ANXA10: variants seen among roughly 807,000 people sequenced by gnomAD.
ANXA10 encodes the protein annexin 14.
A neutral mutation model predicts 53.5 loss-of-function variants in ANXA10; 49 were observed. The observed-to-expected ratio is 0.92, with a 90% confidence interval of 0.73 to 1.16. The LOEUF (loss-of-function observed/expected upper bound fraction) is 1.16, where lower values mean the gene tolerates loss of function less well. Among genes scored for constraint, ANXA10 ranks in the 50% most tolerant of loss-of-function variants. The probability of loss-of-function intolerance (pLI) is 0.00; values close to 1 mark genes in which losing one functional copy is unlikely to be tolerated. For synonymous variants in ANXA10, 131 were observed against 128.9 expected, an observed-to-expected ratio of 1.02 and a Z score of -0.11; for missense variants, 393 against 394.4, an observed-to-expected ratio of 1.00 and a Z score of 0.03.
intron 3 of ANXA10, among the ~76,000 whole-genome samples, chr4:168,150,638 G>A (rs1033461379): frequency 2.0e-5 from 3 of 152,154 alleles, no homozygotes; most frequent in Non-Finnish European, 4.4e-5. Flanking sequence ...GAATATTTAT[G>A]AAAGGAGAAA....
chr4:168,158,667 T>C (rs931125504), intron 3 of ANXA10, among the ~76,000 whole-genome samples: 4 of 152,212 alleles, frequency 2.6e-5, no homozygotes, highest in African/African-American at 2.4e-5. Context: ...TTCACTGGTA[T>C]CCTCTTCCCT....
intron 2 of ANXA10, among the ~76,000 whole-genome samples, chr4:168,130,934 C>CA (rs1265098923): frequency 1.9e-4 from 29 of 151,194 alleles, no homozygotes; most frequent in Middle Eastern, 6.8e-3. Context: ...ATGTTTCCCC[C>CA]AAAAAAAACC....
chr4:168,129,860 A>G (rs1731130759), intron 2 of ANXA10, among the ~76,000 whole-genome samples: 1 of 152,158 alleles, frequency 6.6e-6, no homozygotes, highest in Non-Finnish European at 1.5e-5. Context: ...CCACTTGAAG[A>G]TACTTTCCTG....
At chr4:168,154,845 T>G (rs946916130) in intron 3 of ANXA10, among the ~76,000 whole-genome samples, 2 of 152,092 alleles carry the variant, frequency 1.3e-5, no homozygotes, top group African/African-American at 4.8e-5. Context: ...TGTAATAAAT[T>G]ATTACAGTTA....
chr4:168,094,649 C>T (rs1271953927), intron 1 of ANXA10, among the ~76,000 whole-genome samples: 2 of 152,100 alleles, frequency 1.3e-5, no homozygotes, highest in East Asian at 3.9e-4. Context: ...GTATATATAA[C>T]ATCTGAACTT....
At chr4:168,098,090 T>C (rs934387696) in intron 1 of ANXA10, among the ~76,000 whole-genome samples, 4 of 151,422 alleles carry the variant, frequency 2.6e-5, no homozygotes, top group African/African-American at 9.7e-5. Context: ...TAAATAAGTA[T>C]TACTTTAAAT....
chr4:168,162,601 C>A lies in ANXA10; in HGVS notation c.269C>A (p.Pro90Gln). The A allele has an allele frequency of 7.4e-6, 12 of 1,613,944 alleles. No homozygotes were observed. The highest frequency in any genetic ancestry group is 1.0e-5 in the Non-Finnish European group (12 of 1,179,904). Reference sequence around the variant, plus strand: ...GTGATGGCTGGCCTCATGTACCCACCACCACTGTATGATGCTCATGAGCTC... The same window carrying A: ...GTGATGGCTGGCCTCATGTACCCACAACCACTGTATGATGCTCATGAGCTC... ...KDVMAGLMYP[P>Q]PLYDAHELWH... The change falls in exon 4 of 12, where the codon CCA (proline) becomes CAA (glutamine). Residue 90 changes from proline (P) to glutamine (Q), a missense_variant. By Grantham distance (76) the Pro-to-Gln change is moderately conservative. Transcript: ENST00000359299.
chr4:168,154,458 T>A (rs1731565598), intron 3 of ANXA10, among the ~76,000 whole-genome samples: 1 of 152,116 alleles, frequency 6.6e-6, no homozygotes, highest in Non-Finnish European at 1.5e-5. Context: ...TATAATGTGG[T>A]CACTGAAATA....
intron 2 of ANXA10, among the ~76,000 whole-genome samples, chr4:168,129,955 G>A (rs917074231): frequency 7.2e-5 from 11 of 152,102 alleles, no homozygotes; most frequent in African/African-American, 2.4e-4. Flanking sequence ...CTGGACAACC[G>A]AAGTCATTTT....
chr4:168,127,965 C>G (rs1313900216), intron 1 of ANXA10, 119 bp from the exon 2 acceptor site: 1 of 821,266 alleles, frequency 1.2e-6, no homozygotes, highest in Non-Finnish European at 2.0e-6. Flanking sequence ...TTCAGGTGAT[C>G]CACCCACCTC....
At chr4:168,150,623 G>A (rs573495838) in intron 3 of ANXA10, among the ~76,000 whole-genome samples, 1 of 152,272 alleles carries the variant, frequency 6.6e-6, no homozygotes, top group South Asian at 2.1e-4. Context: ...AGCTATAGGA[G>A]TCATGAATAT....
At chr4:168,146,463 C>T (rs1437707321) in intron 3 of ANXA10, among the ~76,000 whole-genome samples, 2 of 152,170 alleles carry the variant, frequency 1.3e-5, no homozygotes, top group Non-Finnish European at 2.9e-5. Context: ...TTGTGATTTC[C>T]TTTGCCAGGA....
At chr4:168,179,829 CTAAG>C (rs1326856202) in intron 9 of ANXA10, among the ~76,000 whole-genome samples, 2 of 152,104 alleles carry the variant, frequency 1.3e-5, no homozygotes, top group Non-Finnish European at 2.9e-5. Context: ...TTGCTCCTTC[CTAAG>C]TAAGAAATGA....
At chr4:168,133,490 C>A (rs764253627) in intron 2 of ANXA10, among the ~76,000 whole-genome samples, 1 of 151,958 alleles carries the variant, frequency 6.6e-6, no homozygotes, top group Non-Finnish European at 1.5e-5. Flanking sequence ...AGGCAGTCAG[C>A]TTTCTTTTGA....
intron 3 of ANXA10, among the ~76,000 whole-genome samples, chr4:168,153,097 G>T (rs1421362739): frequency 6.6e-6 from 1 of 152,026 alleles, no homozygotes; most frequent in Non-Finnish European, 1.5e-5. Flanking sequence ...GGCGGCCTCA[G>T]CCTCCCAAAA....
At chr4:168,167,296 A>G (rs971368746) in intron 6 of ANXA10, among the ~76,000 whole-genome samples, 2 of 152,172 alleles carry the variant, frequency 1.3e-5, no homozygotes, top group African/African-American at 4.8e-5. Flanking sequence ...AAACTGCTGC[A>G]ATTTTCACAT....
chr4:168,120,466 G>A (rs1730966500), intron 1 of ANXA10, among the ~76,000 whole-genome samples: 1 of 151,634 alleles, frequency 6.6e-6, no homozygotes, highest in Admixed American at 6.6e-5. Context: ...AAAAAGCCTG[G>A]GTAAATAACT....
chr4:168,182,792 C>G (rs554954690), intron 10 of ANXA10, among the ~76,000 whole-genome samples: 2 of 149,672 alleles, frequency 1.3e-5, no homozygotes, highest in Non-Finnish European at 1.5e-5. Flanking sequence ...GGGTGGATCA[C>G]GAGGTCAGGA....
At chr4:168,112,624 A>G (rs906168192) in intron 1 of ANXA10, among the ~76,000 whole-genome samples, 1 of 152,160 alleles carries the variant, frequency 6.6e-6, no homozygotes, top group Non-Finnish European at 1.5e-5. Context: ...TCTCCTTCAT[A>G]TGGAAGACTA....
Sources: gnomAD v4.1 joint callset for allele counts (sites outside exome capture counted in the v4.1 genomes callset) on GRCh38, gnomAD v4.1.1 for gene constraint, MANE v1.5 for transcripts, NCBI Gene and HGNC (gene_info 2026-07-23, HGNC 2026-07-21) for gene names.